TTC7B: variants seen among roughly 807,000 people sequenced by gnomAD.
TTC7B encodes tetratricopeptide repeat domain 7B.
A neutral mutation model predicts 106.8 loss-of-function variants in TTC7B; 28 were observed. The observed-to-expected ratio is 0.26, with a 90% CI of 0.19 to 0.36. The LOEUF is 0.36. Ranked by LOEUF, TTC7B falls within the 10% of genes least tolerant of loss-of-function variation. The probability of loss-of-function intolerance (pLI) is 1.00; values close to 1 mark genes in which losing one functional copy is unlikely to be tolerated. For missense variants in TTC7B, 862 were observed against 1,076.4 expected (o/e 0.80, Z 2.79); for synonymous variants, 405 against 430.6 (o/e 0.94, Z 0.74).
chr14:90,756,024 T>G (rs1890282261), intron 3 of TTC7B, among the ~76,000 whole-genome samples: 1 of 152,232 alleles, frequency 6.6e-6, no homozygotes, highest in Non-Finnish European at 1.5e-5. Flanking sequence ...CCGTTCAAAA[T>G]CAAACACAGT....
At chr14:90,687,808 C>T (rs994434671) in intron 7 of TTC7B, among the ~76,000 whole-genome samples, 27 of 152,076 alleles carry the variant, frequency 1.8e-4, no homozygotes, top group Non-Finnish European at 2.6e-4. Context: ...AACTAAATTA[C>T]GATAAGCCGA....
chr14:90,763,737 AAT>A (rs1465967186), intron 3 of TTC7B, among the ~76,000 whole-genome samples: 4 of 152,208 alleles, frequency 2.6e-5, no homozygotes, highest in Admixed American at 6.5e-5. Flanking sequence ...AAATTTAAAA[AAT>A]AGTTTCACTT....
At chr14:90,780,660 A>C in intron 3 of TTC7B, 78 bp downstream of exon 3, 1 of 1,511,396 alleles carries the variant, frequency 6.6e-7, no homozygotes, top group African/African-American at 1.4e-5. Flanking sequence ...CCAAGGGCCA[A>C]GGGTCAAATA....
chr14:90,615,776 G>T, intron 16 of TTC7B, among the ~76,000 whole-genome samples: 1 of 152,208 alleles, frequency 6.6e-6, no homozygotes, highest in East Asian at 1.9e-4. Flanking sequence ...AGAAAATCAA[G>T]TTAAAAAACC....
intron 1 of TTC7B, among the ~76,000 whole-genome samples, chr14:90,815,374 G>A (rs1328964411): frequency 6.6e-6 from 1 of 152,076 alleles, no homozygotes; most frequent in Non-Finnish European, 1.5e-5. Flanking sequence ...AAGGGGTCAT[G>A]AACCAACTCC....
At chr14:90,544,532 C>G (rs1889741564) in intron 19 of TTC7B, among the ~76,000 whole-genome samples, 1 of 152,196 alleles carries the variant, frequency 6.6e-6, no homozygotes. Context: ...AAGAGGGAAT[C>G]TGACAACTCC....
At chr14:90,811,315 G>A (rs1458841337) in intron 1 of TTC7B, among the ~76,000 whole-genome samples, 1 of 152,174 alleles carries the variant, frequency 6.6e-6, no homozygotes, top group Non-Finnish European at 1.5e-5. Flanking sequence ...CCCACATTCT[G>A]GGAGGAGTTG....
chr14:90,622,173 G>A (rs140852559), intron 15 of TTC7B, among the ~76,000 whole-genome samples: 1,977 of 150,214 alleles, frequency 0.013, 36 homozygotes, highest in African/African-American at 0.045. Flanking sequence ...GCTGGAGTGC[G>A]GTGGTGTGAT....
At chr14:90,566,773 C>G (rs1890817393) in intron 19 of TTC7B, among the ~76,000 whole-genome samples, 2 of 152,112 alleles carry the variant, frequency 1.3e-5, no homozygotes, top group Non-Finnish European at 2.9e-5. Context: ...GCAGAGGCTC[C>G]CCTTTAGCTA....
chr14:90,787,213 C>T (rs998697066), intron 1 of TTC7B, among the ~76,000 whole-genome samples: 5 of 152,180 alleles, frequency 3.3e-5, no homozygotes, highest in Non-Finnish European at 5.9e-5. Flanking sequence ...CTTTTACTCC[C>T]GAGAGCATAC....
At chr14:90,573,825 C>T (rs1891148994) in intron 19 of TTC7B, among the ~76,000 whole-genome samples, 1 of 152,234 alleles carries the variant, frequency 6.6e-6, no homozygotes, top group South Asian at 2.1e-4. Flanking sequence ...GAGCCTCCTG[C>T]TAATATTCTC....
chr14:90,772,370 T>C (rs904008249), intron 3 of TTC7B, among the ~76,000 whole-genome samples: 5 of 152,238 alleles, frequency 3.3e-5, no homozygotes, highest in African/African-American at 1.2e-4. Flanking sequence ...AAATAGATTA[T>C]ACTTCATCCA....
rs1031490641 is a variant in TTC7B, at chr14:90,757,305, G to A, written c.446-12383C>T. Among the ~76,000 whole-genome samples, 26 of 152,114 alleles carry A rather than the reference G, an allele frequency of 1.7e-4. No individual in the cohort carries two copies. Among genetic ancestry groups the A allele is most frequent in the Non-Finnish European group, 5.9e-5 (4 of 68,016 alleles). On this transcript the variant is annotated intron_variant, in intron 3 of 19. Coordinates refer to ENST00000328459, the MANE Select transcript of TTC7B (RefSeq NM_001010854.2). The surrounding 1 kb of genome is among the most constrained non-coding windows in gnomAD (Gnocchi z 4.1). ...TCCAAAAATGAAAAGCAGTCCTGGCGCGGTGGCTCACATCTGTATTCCCAG... is the reference window on the plus strand; with the variant it reads ...TCCAAAAATGAAAAGCAGTCCTGGCACGGTGGCTCACATCTGTATTCCCAG...
Position 90,541,537 on chromosome 14 carries a change from C to G in TTC7B, c.2363G>C (p.Arg788Pro), listed in dbSNP as rs759687520. The G allele has an allele frequency of 1.9e-6, 3 of 1,612,204 alleles. No individual in the cohort carries two copies. The highest frequency in any genetic ancestry group is 1.7e-5 in the Admixed American group (1 of 59,944). ...GRYSLAEKIL[R>P]DAVQVNSTAH... ...TGTCGAGTTCACCTGCACCGCGTCC[C>G]GGAGGATCTTCTCCGCCAGACTGTA... Residue 788 changes from arginine (R) to proline (P), a missense_variant, in exon 20 of 20, where the codon CGG becomes CCG. By Grantham distance (103) the Arg-to-Pro change is moderately radical. Coordinates refer to ENST00000328459, the MANE Select transcript of TTC7B (RefSeq NM_001010854.2).
At chr14:90,651,737 C>T (rs778832545) in intron 13 of TTC7B, among the ~76,000 whole-genome samples, 3 of 152,158 alleles carry the variant, frequency 2.0e-5, no homozygotes, top group Non-Finnish European at 2.9e-5. Flanking sequence ...GGCTGGCAAC[C>T]TGAAGTAGCT....
intron 7 of TTC7B, among the ~76,000 whole-genome samples, chr14:90,686,365 A>T (rs182530279): frequency 4.4e-4 from 67 of 152,310 alleles, no homozygotes; most frequent in Admixed American, 3.1e-3. Context: ...CACAGTGAAC[A>T]CCATACTCTG....
intron 3 of TTC7B, among the ~76,000 whole-genome samples, chr14:90,766,211 T>C (rs1042981019): frequency 1.8e-4 from 27 of 150,542 alleles, no homozygotes; most frequent in Admixed American, 8.6e-4. Context: ...GTTACCACAT[T>C]ATTAGATTCA....
At chr14:90,730,806 C>G (rs1889296441) in intron 4 of TTC7B, among the ~76,000 whole-genome samples, 1 of 152,224 alleles carries the variant, frequency 6.6e-6, no homozygotes, top group South Asian at 2.1e-4. Context: ...CACCCTCTCT[C>G]CCCAAACTTG....
At chr14:90,628,665 C>T (rs899043897) in intron 15 of TTC7B, among the ~76,000 whole-genome samples, 1 of 152,234 alleles carries the variant, frequency 6.6e-6, no homozygotes, top group Admixed American at 6.5e-5. Flanking sequence ...CTGGGAAGCT[C>T]AAGCGGCTCT....
Sources: gnomAD v4.1 joint callset for allele counts (sites outside exome capture counted in the v4.1 genomes callset) on GRCh38, gnomAD v4.1.1 for gene constraint, Gnocchi (gnomAD v3.1) non-coding constraint, MANE v1.5 for transcripts, NCBI Gene and HGNC (gene_info 2026-07-23, HGNC 2026-07-21) for gene names.